Variants in LPA observed in about 807,000 individuals in gnomAD.
The protein encoded by LPA is lipoprotein(a), also known as apolipoprotein(a).
LPA carries 199 observed loss-of-function variants against 197.9 expected under a neutral mutation model. The observed-to-expected ratio is 1.01, with a 90% confidence interval of 0.90 to 1.13. The LOEUF (loss-of-function observed/expected upper bound fraction) is 1.13, where lower values mean the gene tolerates loss of function less well. LPA is among the 50% of genes most tolerant of loss of function. The pLI, the probability that LPA is intolerant of heterozygous loss-of-function variation, is 0.00. For synonymous variants in LPA, 715 were observed against 639.5 expected (o/e 1.12, Z -1.78); for missense variants, 1,853 against 1,785.8 (o/e 1.04, Z -0.68).
In LPA at chr6:160,599,530, T is replaced by A. The variant is rs1779197327; in HGVS notation, c.3257A>T (p.His1086Leu). ...TGGGTAGTTTTCTGGGGTCCGACTATGCTGGTGTGGTGTCATAGATGACCA... is the reference window on the plus strand; with the variant it reads ...TGGGTAGTTTTCTGGGGTCCGACTAAGCTGGTGTGGTGTCATAGATGACCA... Reference protein sequence around the residue: ...QAWSSMTPHQHSRTPENYPNA... With the variant: ...QAWSSMTPHQLSRTPENYPNA... Residue 1086 changes from histidine (H) to leucine (L), a missense_variant, in exon 20 of 39, where the codon CAT (histidine) becomes CTT (leucine). Physicochemically the swap from His to Leu is moderately conservative, Grantham distance 99. Coordinates refer to ENST00000316300, the MANE Select transcript of LPA (RefSeq NM_005577.4). 6.2e-7 allele frequency: 1 copy of A among 1,613,962 alleles called. No individual in the cohort carries two copies. The highest frequency in any genetic ancestry group is 8.5e-7 in the Non-Finnish European group (1 of 1,179,972).
intron 16 of LPA, among the ~76,000 whole-genome samples, chr6:160,609,051 T>G (rs1376618098): frequency 6.6e-6 from 1 of 152,196 alleles, no homozygotes; most frequent in African/African-American, 2.4e-5. Context: ...TGTTACTTTC[T>G]TTTGATATTT....
intron 2 of LPA, among the ~76,000 whole-genome samples, chr6:160,648,572 G>C (rs1398007219): frequency 2.6e-5 from 4 of 151,888 alleles, no homozygotes; most frequent in African/African-American, 9.7e-5. Context: ...GTGTGTGTTT[G>C]TAAGCTTATA....
At position 160,595,331 on chromosome 6, in the gene LPA, TTGTC is replaced by T; in HGVS notation, c.3469+19_3469+22del. 6.2e-7 allele frequency: 1 copy of T among 1,610,432 alleles called. No homozygotes were observed. The highest frequency in any genetic ancestry group is 8.5e-7 in the Non-Finnish European group (1 of 1,179,686). ...TTCATCCCAACGTCCTAGGGTGTGG[TTGTC>T]TGGCCATAGACTTCCTACCTTCTTC... On this transcript the variant is annotated intron_variant, in intron 21 of 38. Transcript: ENST00000316300.
At chr6:160,661,017 G>A (rs1424668753) in intron 1 of LPA, among the ~76,000 whole-genome samples, 2 of 151,744 alleles carry the variant, frequency 1.3e-5, no homozygotes, top group Non-Finnish European at 2.9e-5. Context: ...TTGTGGCAAA[G>A]GGTGGCCAAG....
chr6:160,577,084 C>G, intron 28 of LPA, 52 bp downstream of exon 28: 1 of 1,604,782 alleles, frequency 6.2e-7, no homozygotes, highest in Non-Finnish European at 8.5e-7. Flanking sequence ...GGTCTTCTAA[C>G]CAATATTTGA....
intron 1 of LPA, among the ~76,000 whole-genome samples, chr6:160,658,953 A>G (rs1019488143): frequency 1.3e-5 from 2 of 152,136 alleles, no homozygotes; most frequent in Admixed American, 1.3e-4. Context: ...ACCTATATCT[A>G]TCTATAGATA....
chr6:160,577,520 G>C (rs1436369752), intron 27 of LPA, among the ~76,000 whole-genome samples: 1 of 152,180 alleles, frequency 6.6e-6, no homozygotes, highest in Non-Finnish European at 1.5e-5. Flanking sequence ...GAACAGAGGA[G>C]AATGCTGGAC....
intron 28 of LPA, among the ~76,000 whole-genome samples, chr6:160,570,393 C>T (rs9457941): frequency 0.061 from 9,205 of 152,122 alleles, 963 homozygotes; most frequent in African/African-American, 0.21. Context: ...GGACAGAAAT[C>T]CAAACACCGA....
chr6:160,591,164 C>T (rs1480209958), intron 22 of LPA, 63 bp from the exon 23 acceptor site: 13 of 1,597,142 alleles, frequency 8.1e-6, no homozygotes, highest in Non-Finnish European at 1.1e-5. Flanking sequence ...CACCAGACAT[C>T]CTCTACATTT....
intron 33 of LPA, among the ~76,000 whole-genome samples, chr6:160,543,989 G>A (rs1778024057): frequency 6.6e-6 from 1 of 152,140 alleles, no homozygotes; most frequent in African/African-American, 2.4e-5. Flanking sequence ...AAGTAAGGTG[G>A]GGAACCTCAC....
rs1208421074 is a variant in LPA at position 160,593,852 on chromosome 6, C to T, written c.3629+106G>A. On this transcript the variant is annotated intron_variant, in intron 22 of 38. Coordinates refer to ENST00000316300, the MANE Select transcript of LPA (RefSeq NM_005577.4). ...GCCTGAGACATTCTACCCAACATTC[C>T]AGATCTGAGATAAATTTGTCATAAG... The T allele has an allele frequency of 4.3e-6, 6 of 1,391,372 alleles. No homozygotes were observed. In the South Asian group the frequency reaches 5.8e-5, roughly 14 times the overall value. The allele number at this position is 1,391,372 out of a possible 1,614,324, so 86.2% of individuals were successfully genotyped here. A position where few individuals can be genotyped will look rare whatever the true frequency, so the allele number is the denominator to read the frequency against.
At chr6:160,587,860 T>C (rs1778944639) in intron 24 of LPA, among the ~76,000 whole-genome samples, 1 of 151,882 alleles carries the variant, frequency 6.6e-6, no homozygotes, top group South Asian at 2.1e-4. Context: ...TGAATTATTT[T>C]CTAGGTCACC....
At position 160,646,301 on chromosome 6, in the gene LPA, G is replaced by C; in HGVS notation, c.304C>G (p.Leu102Val). The part of the protein sequence containing the change: ...DPGVRWEYCN[L>V]TQCSDAEGTA... ...CCTTCTGCGTCTGAGCATTGCGTCAGGTTGCAGTACTCCCACCTGACACCG... is the reference window on the plus strand; with the variant it reads ...CCTTCTGCGTCTGAGCATTGCGTCACGTTGCAGTACTCCCACCTGACACCG... Residue 102 changes from leucine (L) to valine (V), a missense_variant, in exon 3 of 39, where the codon CTG becomes GTG. This residue lies in a region of LPA where 88 missense variants were observed against 83.0 expected (regional missense o/e 1.06). Transcript: ENST00000316300. The C allele has an allele frequency of 2.0e-5, 1 of 50,992 alleles. No homozygotes were observed. Among genetic ancestry groups the C allele is most frequent in the East Asian group, 3.1e-4 (1 of 3,268 alleles). 3.2% of individuals were successfully genotyped at this position (50,992 alleles called of 1,614,324 possible). A position where few individuals can be genotyped will look rare whatever the true frequency, so the allele number is the denominator to read the frequency against.
At chr6:160,635,413 A>G in intron 6 of LPA, 109 bp from the exon 7 acceptor site, 1 of 550,380 alleles carries the variant, frequency 1.8e-6, no homozygotes, top group Non-Finnish European at 2.9e-6. Context: ...CCTTTCTAAT[A>G]TTCCCATTAA....
chr6:160,577,830 G>A (rs1778713223), intron 27 of LPA, among the ~76,000 whole-genome samples: 1 of 152,210 alleles, frequency 6.6e-6, no homozygotes, highest in African/African-American at 2.4e-5. Flanking sequence ...TTCCCTTGGA[G>A]GAGAGATAGG....
intron 17 of LPA, among the ~76,000 whole-genome samples, chr6:160,605,973 T>C (rs1779341189): frequency 6.6e-6 from 1 of 152,126 alleles, no homozygotes; most frequent in African/African-American, 2.4e-5. Context: ...GAAACATAGA[T>C]CATTGGGAGT....
chr6:160,654,494 A>G (rs1343665919), intron 1 of LPA, among the ~76,000 whole-genome samples: 1 of 152,132 alleles, frequency 6.6e-6, no homozygotes, highest in East Asian at 1.9e-4. Context: ...TCAAGTTGAC[A>G]GTATTAACCA....
At chr6:160,646,661 C>G (rs36115561) in intron 2 of LPA, among the ~76,000 whole-genome samples, 2 of 122,252 alleles carry the variant, frequency 1.6e-5, no homozygotes, top group African/African-American at 6.6e-5. Context: ...AGATAACACA[C>G]ACACGTGGCC....
chr6:160,555,436 CATATATATAT>C (rs770158265), intron 30 of LPA, among the ~76,000 whole-genome samples: 2 of 122,002 alleles, frequency 1.6e-5, no homozygotes, highest in Non-Finnish European at 1.7e-5. Context: ...TTCCCTAGAA[CATATATATAT>C]ATATATATAT....
Sources: gnomAD v4.1 joint callset for allele counts (sites outside exome capture counted in the v4.1 genomes callset) on GRCh38, gnomAD v4.1.1 for gene constraint, gnomAD v4.1.1 regional missense constraint, MANE v1.5 for transcripts, NCBI Gene and HGNC (gene_info 2026-07-23, HGNC 2026-07-21) for gene names.